DLGAP1: variants seen among roughly 807,000 people sequenced by gnomAD.
DLGAP1 encodes disks large-associated protein 1.
DLGAP1 carries 11 observed loss-of-function variants against 90.8 expected under a neutral mutation model. That is an observed-to-expected ratio of 0.12 (90% CI 0.08 to 0.20). DLGAP1 has a LOEUF of 0.20. Among genes scored for constraint, DLGAP1 ranks in the 10% least tolerant of loss-of-function variants. The pLI is 1.00. For missense variants in DLGAP1, 1,050 were observed against 1,333.8 expected (o/e 0.79, Z 3.31); for synonymous variants, 558 against 540.7 (o/e 1.03, Z -0.44).
At chr18:3,929,842 A>G (rs1205479359) in intron 3 of DLGAP1, among the ~76,000 whole-genome samples, 1 of 152,238 alleles carries the variant, frequency 6.6e-6, no homozygotes, top group Non-Finnish European at 1.5e-5. Flanking sequence ...CATTCTGTAG[A>G]TAAATATTTG....
At chr18:3,701,048 G>A (rs2061264075) in intron 7 of DLGAP1, among the ~76,000 whole-genome samples, 1 of 152,100 alleles carries the variant, frequency 6.6e-6, no homozygotes, top group African/African-American at 2.4e-5. Context: ...ACCAGGCTAA[G>A]TTTTAAATTT....
chr18:4,178,365 A>G (rs976296444), intron 1 of DLGAP1, among the ~76,000 whole-genome samples: 1 of 151,774 alleles, frequency 6.6e-6, no homozygotes, highest in African/African-American at 2.4e-5. Flanking sequence ...ACACCACTAT[A>G]TATTTTTTTT....
At chr18:4,150,843 T>C (rs2076663958) in intron 2 of DLGAP1, among the ~76,000 whole-genome samples, 1 of 152,246 alleles carries the variant, frequency 6.6e-6, no homozygotes, top group Non-Finnish European at 1.5e-5. Flanking sequence ...TTTACTTCCA[T>C]AATTTCATAC....
intron 7 of DLGAP1, among the ~76,000 whole-genome samples, chr18:3,676,532 A>G (rs1187633565): frequency 1.3e-5 from 2 of 152,108 alleles, no homozygotes; most frequent in Non-Finnish European, 1.5e-5. Flanking sequence ...ACTCCAGACA[A>G]TGTAGCAGCT....
At chr18:3,659,972 T>G (rs2146584297) in intron 7 of DLGAP1, among the ~76,000 whole-genome samples, 1 of 152,316 alleles carries the variant, frequency 6.6e-6, no homozygotes, top group African/African-American at 2.4e-5. Flanking sequence ...CTTTCTGCCC[T>G]TGGCTGGTGT....
intron 1 of DLGAP1, among the ~76,000 whole-genome samples, chr18:4,181,522 G>A (rs952835781): frequency 6.6e-6 from 1 of 152,282 alleles, no homozygotes; most frequent in Middle Eastern, 3.4e-3. Context: ...ACAAGGAGAA[G>A]CACTACTATC....
At chr18:4,308,887 C>T (rs534842812) in intron 1 of DLGAP1, among the ~76,000 whole-genome samples, 1 of 152,300 alleles carries the variant, frequency 6.6e-6, no homozygotes, top group South Asian at 2.1e-4. Flanking sequence ...AATGGTAAGA[C>T]GTGTGAAATC....
chr18:4,197,870 T>G (rs866532941), intron 1 of DLGAP1, among the ~76,000 whole-genome samples: 2 of 152,196 alleles, frequency 1.3e-5, no homozygotes, highest in South Asian at 4.2e-4. Context: ...AGGGCCCTCA[T>G]AGTTGCCACA....
At chr18:3,838,903 C>T (rs768083050) in intron 4 of DLGAP1, among the ~76,000 whole-genome samples, 1 of 152,034 alleles carries the variant, frequency 6.6e-6, no homozygotes, top group South Asian at 2.1e-4. Flanking sequence ...TGTTATTCTC[C>T]TTTCATAGCC....
At chr18:3,835,237 A>G (rs1234320854) in intron 4 of DLGAP1, among the ~76,000 whole-genome samples, 4 of 152,194 alleles carry the variant, frequency 2.6e-5, no homozygotes, top group African/African-American at 9.7e-5. Context: ...ATGAGATGAC[A>G]TTTGTGGGTT....
intron 4 of DLGAP1, among the ~76,000 whole-genome samples, chr18:3,846,658 C>T (rs944022511): frequency 7.9e-5 from 12 of 152,110 alleles, no homozygotes; most frequent in Non-Finnish European, 1.5e-4. Context: ...ATGGATAAAT[C>T]TTAAAAATAG....
intron 3 of DLGAP1, among the ~76,000 whole-genome samples, chr18:3,975,629 C>T (rs2073556564): frequency 6.6e-6 from 1 of 152,156 alleles, no homozygotes; most frequent in Admixed American, 6.6e-5. Flanking sequence ...TACACCCATG[C>T]TCATGGCAGC....
chr18:4,276,650 A>AAACAAATATATTTTCTCAT (rs1179341589), intron 1 of DLGAP1, among the ~76,000 whole-genome samples: 2 of 151,818 alleles, frequency 1.3e-5, no homozygotes, highest in East Asian at 1.9e-4. Context: ...AAAAAAAAAT[A>AAACAAATATATTTTCTCAT]AACAAATATA....
intron 1 of DLGAP1, among the ~76,000 whole-genome samples, chr18:4,158,826 G>T (rs777598259): frequency 6.6e-6 from 1 of 152,124 alleles, no homozygotes; most frequent in African/African-American, 2.4e-5. Context: ...TTAGTCTAAG[G>T]TGTGAATGAT....
At chr18:3,741,085 C>CCAT (rs1568048201) in intron 6 of DLGAP1, among the ~76,000 whole-genome samples, 1 of 128,510 alleles carries the variant, frequency 7.8e-6, no homozygotes, top group Non-Finnish European at 1.7e-5. Context: ...ACCACCATCA[C>CCAT]CATCACCACC....
At chr18:3,960,424 A>C (rs1392931098) in intron 3 of DLGAP1, among the ~76,000 whole-genome samples, 1 of 151,180 alleles carries the variant, frequency 6.6e-6, no homozygotes, top group Admixed American at 6.6e-5. Flanking sequence ...TTAGCCAGGC[A>C]TGGTGGCCTG....
chr18:3,931,883 C>T (rs914222994), intron 3 of DLGAP1, among the ~76,000 whole-genome samples: 1 of 152,160 alleles, frequency 6.6e-6, no homozygotes, highest in African/African-American at 2.4e-5. Context: ...CCAAAACCAC[C>T]TTGGCCTTGA....
chr18:3,571,260 T>C (rs1285698952), intron 8 of DLGAP1: 1 of 151,772 alleles, frequency 6.6e-6, no homozygotes, highest in Non-Finnish European at 1.5e-5. Context: ...ACAGTGGCTA[T>C]TCACAAAGTC....
intron 1 of DLGAP1, among the ~76,000 whole-genome samples, chr18:4,268,183 T>C (rs575689128): frequency 9.5e-4 from 144 of 152,286 alleles, no homozygotes; most frequent in Non-Finnish European, 1.7e-3. Flanking sequence ...CAGGCCAAAA[T>C]TTAACTTCAT....
Sources: gnomAD v4.1 joint callset for allele counts (sites outside exome capture counted in the v4.1 genomes callset) on GRCh38, gnomAD v4.1.1 for gene constraint, MANE v1.5 for transcripts, NCBI Gene and HGNC (gene_info 2026-07-23, HGNC 2026-07-21) for gene names.